COX10: variants seen among roughly 807,000 people sequenced by gnomAD.
The protein encoded by COX10 is cytochrome c oxidase assembly factor heme A:farnesyltransferase COX10, also known as protoheme IX farnesyltransferase, mitochondrial.
In COX10, 27 loss-of-function variants were observed where a neutral mutation model predicts 37.3. That is an observed-to-expected ratio of 0.72 (90% CI 0.53 to 1.00). The LOEUF (loss-of-function observed/expected upper bound fraction) is 1.00. Among genes scored for constraint, COX10 ranks in the 50% least tolerant of loss-of-function variants. The probability of loss-of-function intolerance (pLI) is 0.00; values close to 1 mark genes in which losing one functional copy is unlikely to be tolerated. For synonymous variants in COX10, 222 were observed against 229.1 expected (o/e 0.97, Z 0.28); for missense variants, 475 against 563.2 (o/e 0.84, Z 1.59).
intron 4 of COX10, among the ~76,000 whole-genome samples, chr17:14,109,380 G>A (rs1915965345): frequency 6.6e-6 from 1 of 152,108 alleles, no homozygotes; most frequent in Non-Finnish European, 1.5e-5. Flanking sequence ...CCATCTCAGT[G>A]GAGTGAATTT....
intron 3 of COX10, among the ~76,000 whole-genome samples, chr17:14,083,632 T>G (rs1217524264): frequency 6.6e-6 from 1 of 152,262 alleles, no homozygotes; most frequent in East Asian, 1.9e-4. Context: ...CCTTGGCATT[T>G]AGGCCAGGAT....
At chr17:14,082,914 C>T (rs994781992) in intron 3 of COX10, among the ~76,000 whole-genome samples, 3 of 152,114 alleles carry the variant, frequency 2.0e-5, no homozygotes, top group Non-Finnish European at 4.4e-5. Context: ...GACCACACTT[C>T]GAGAAAGCAA....
intron 4 of COX10, among the ~76,000 whole-genome samples, chr17:14,146,464 A>G (rs1224430682): frequency 3.3e-5 from 5 of 152,126 alleles, no homozygotes; most frequent in Admixed American, 1.3e-4. Flanking sequence ...ATGAAACTAG[A>G]CCCCTATCTC....
intron 4 of COX10, among the ~76,000 whole-genome samples, chr17:14,123,486 AT>A (rs969557731): frequency 3.3e-5 from 5 of 152,134 alleles, no homozygotes; most frequent in African/African-American, 1.2e-4. Context: ...AGAATTCAGA[AT>A]TTTTTTCCAG....
chr17:14,110,166 T>C (rs762103295), intron 4 of COX10, among the ~76,000 whole-genome samples: 1 of 152,124 alleles, frequency 6.6e-6, no homozygotes, highest in Admixed American at 6.6e-5. Context: ...AGGGTCTTAA[T>C]GAGAAGGAAA....
intron 1 of COX10, 87 bp from the exon 2 acceptor site, chr17:14,074,236 C>T (rs1915093310): frequency 6.8e-7 from 1 of 1,467,142 alleles, no homozygotes; most frequent in Non-Finnish European, 9.5e-7. Flanking sequence ...ACCTTAGTGG[C>T]TGGCTTTGCT....
intron 4 of COX10, among the ~76,000 whole-genome samples, chr17:14,129,425 T>TC (rs1916415440): frequency 6.6e-6 from 1 of 152,172 alleles, no homozygotes; most frequent in African/African-American, 2.4e-5. Flanking sequence ...CAGTTTGTCC[T>TC]CCCTAAACTC....
chr17:14,187,665 GA>G (rs1906073581), intron 5 of COX10, among the ~76,000 whole-genome samples: 1 of 152,078 alleles, frequency 6.6e-6, no homozygotes, highest in Non-Finnish European at 1.5e-5. Context: ...AATGTTTTAG[GA>G]AAAAATGAAA....
At chr17:14,123,176 C>T (rs1235763150) in intron 4 of COX10, among the ~76,000 whole-genome samples, 3 of 152,112 alleles carry the variant, frequency 2.0e-5, no homozygotes, top group African/African-American at 7.2e-5. Context: ...AAACTGAGGC[C>T]CAGCGTTAAA....
chr17:14,152,712 C>T (rs144417058), intron 4 of COX10, among the ~76,000 whole-genome samples: 96 of 152,316 alleles, frequency 6.3e-4, no homozygotes, highest in Middle Eastern at 6.8e-3. Flanking sequence ...ATAAACTAGA[C>T]CACGTGGCTG....
In COX10 at chr17:14,076,863, C is replaced by T. The variant is rs369883797; in HGVS notation, c.306C>T (p.Leu102=). 1.1e-5 allele frequency: 18 copies of T among 1,614,160 alleles called. No individual in the cohort carries two copies. The highest frequency in any genetic ancestry group is 8.3e-5 in the Admixed American group (5 of 60,014). The change falls in exon 3 of 7, where the codon CTC becomes CTT. Residue 102 remains leucine (L), a synonymous_variant. Coordinates refer to ENST00000261643, the MANE Select transcript of COX10 (RefSeq NM_001303.4). ...CAGAAATATATGAGATGAGACCTCT[C>T]TCACCGCCCAGCCTATCTTTGTCCA... The part of the protein sequence containing the change: ...AKAEIYEMRP[L]SPPSLSLSRK...
intron 3 of COX10, among the ~76,000 whole-genome samples, chr17:14,090,362 T>C (rs1408205188): frequency 6.6e-6 from 1 of 152,182 alleles, no homozygotes; most frequent in Non-Finnish European, 1.5e-5. Flanking sequence ...TTGTCTCTTA[T>C]ACTAAGAAAG....
chr17:14,197,833 G>A lies in COX10; in HGVS notation c.928+5612G>A, dbSNP rs577835335. ...CTGTCAGGGTAGTCAGGACTCTGCG[G>A]CCCAGCTGCTTCTGTGCACAGGAAA... is the stretch of plus-strand genomic sequence containing the variant. On this transcript the variant is annotated intron_variant, in intron 6 of 6. Transcript: ENST00000261643. Among the ~76,000 whole-genome samples, 4 of 152,338 alleles carry A rather than the reference G, an allele frequency of 2.6e-5. No homozygotes were observed. The East Asian group carries it at 7.7e-4, about 29-fold the overall frequency.
At chr17:14,083,275 C>T (rs1279035387) in intron 3 of COX10, among the ~76,000 whole-genome samples, 1 of 152,146 alleles carries the variant, frequency 6.6e-6, no homozygotes, top group Admixed American at 6.5e-5. Flanking sequence ...TTTGGGTGAC[C>T]CCTACCCTTT....
intron 4 of COX10, among the ~76,000 whole-genome samples, chr17:14,155,444 G>A (rs537407306): frequency 2.2e-4 from 33 of 152,100 alleles, no homozygotes; most frequent in South Asian, 1.0e-3. Flanking sequence ...GGCCGGGCAC[G>A]GTGGCTCACG....
chr17:14,152,813 A>G (rs1463456128), intron 4 of COX10, among the ~76,000 whole-genome samples: 2 of 152,186 alleles, frequency 1.3e-5, no homozygotes, highest in Non-Finnish European at 2.9e-5. Context: ...AGCAGCACAC[A>G]TACTTGGCCC....
At chr17:14,147,748 C>T (rs887364474) in intron 4 of COX10, among the ~76,000 whole-genome samples, 1 of 148,566 alleles carries the variant, frequency 6.7e-6, no homozygotes, top group Non-Finnish European at 1.5e-5. Context: ...TCTCATGTAC[C>T]CCATGTACCT....
chr17:14,071,832 A>G (rs1458635745), intron 1 of COX10, among the ~76,000 whole-genome samples: 3 of 151,774 alleles, frequency 2.0e-5, no homozygotes, highest in African/African-American at 4.8e-5. Context: ...TCCAGGAGGC[A>G]GAGGTTGTAG....
intron 3 of COX10, among the ~76,000 whole-genome samples, chr17:14,092,919 T>A (rs1230283234): frequency 6.6e-6 from 1 of 152,202 alleles, no homozygotes; most frequent in Non-Finnish European, 1.5e-5. Context: ...AATTTTGAAC[T>A]TTGAGATCTG....
Sources: allele counts gnomAD v4.1 joint callset (sites outside exome capture counted in the v4.1 genomes callset), GRCh38; gene constraint gnomAD v4.1.1; transcripts MANE v1.5; gene names NCBI Gene and HGNC (gene_info 2026-07-23, HGNC 2026-07-21).